Variants in MGAM2 observed in about 807,000 individuals in gnomAD.
The protein encoded by MGAM2 is maltase-glucoamylase 2 (putative), also known as probable maltase-glucoamylase 2.
MGAM2 carries 98 observed loss-of-function variants against 96.1 expected under a neutral mutation model. That is an observed-to-expected ratio of 1.02 (90% CI 0.87 to 1.21). The LOEUF is 1.21. Ranked by LOEUF, MGAM2 falls within the 50% of genes most tolerant of loss-of-function variation. MGAM2 has a pLI of 0.00. For synonymous variants in MGAM2, 749 were observed against 414.8 expected (o/e 1.81, Z -9.79); for missense variants, 2,055 against 1,182.4 (o/e 1.74, Z -10.82).
intron 23 of MGAM2, 116 bp from the exon 24 acceptor site, chr7:142,164,740 A>G: frequency 1.9e-6 from 1 of 539,954 alleles, no homozygotes; most frequent in Non-Finnish European, 3.2e-6. Context: ...AACATTTGAA[A>G]CTGCAGAGAA....
At chr7:142,138,288 T>C (rs571620787) in intron 9 of MGAM2, among the ~76,000 whole-genome samples, 62 of 151,526 alleles carry the variant, frequency 4.1e-4, no homozygotes, top group Non-Finnish European at 7.2e-4. Flanking sequence ...AAAACACTTA[T>C]AGAATAATGA....
At chr7:142,143,296 C>T (rs185780632) in intron 12 of MGAM2, among the ~76,000 whole-genome samples, 15 of 152,160 alleles carry the variant, frequency 9.9e-5, no homozygotes, top group African/African-American at 3.6e-4. Flanking sequence ...AAAAAATGAC[C>T]TGAGTAAGAA....
chr7:142,137,833 A>G (rs558485527), intron 9 of MGAM2, among the ~76,000 whole-genome samples: 27 of 152,202 alleles, frequency 1.8e-4, no homozygotes, highest in Non-Finnish European at 8.8e-5. Flanking sequence ...AGCAAAGCTT[A>G]TTCATTCAAT....
At chr7:142,129,670 C>T (rs1040520813) in intron 3 of MGAM2, among the ~76,000 whole-genome samples, 2 of 150,956 alleles carry the variant, frequency 1.3e-5, no homozygotes, top group South Asian at 2.1e-4. Flanking sequence ...ACTAAAAATA[C>T]AAAAATTAGC....
intron 32 of MGAM2, among the ~76,000 whole-genome samples, chr7:142,182,739 C>G (rs909548799): frequency 1.3e-5 from 2 of 152,208 alleles, no homozygotes; most frequent in Non-Finnish European, 2.9e-5. Context: ...CACTCAGCAA[C>G]TCTATGTGGG....
In MGAM2 at chr7:142,198,776, A is replaced by G. The variant is rs920492791; in HGVS notation, c.5048+37A>G. 7 of 695,442 alleles carry G rather than the reference A, an allele frequency of 1.0e-5. No homozygotes were observed. In the African/African-American group the frequency reaches 1.2e-4, roughly 12 times the overall value. The allele number at this position is 695,442 out of a possible 1,614,324, so 43.1% of individuals were successfully genotyped here. ...AGGCAATGTCTAACAGCCTCTTGCT[A>G]TACCGTAATGAGGAAGCCTTACAGG... On this transcript the variant is annotated intron_variant, in intron 44 of 47. Coordinates refer to ENST00000477922, the MANE Select transcript of MGAM2 (RefSeq NM_001293626.2).
chr7:142,175,173 G>T (rs1417578305), intron 31 of MGAM2, among the ~76,000 whole-genome samples: 1 of 152,112 alleles, frequency 6.6e-6, no homozygotes, highest in African/African-American at 2.4e-5. Flanking sequence ...CTGTGGGTTT[G>T]TCATCTATGG....
intron 33 of MGAM2, among the ~76,000 whole-genome samples, chr7:142,184,797 GA>G (rs1322577133): frequency 2.0e-5 from 3 of 152,180 alleles, no homozygotes; most frequent in South Asian, 2.1e-4. Flanking sequence ...AGAGATCTGA[GA>G]AATCACTCGA....
intron 3 of MGAM2, among the ~76,000 whole-genome samples, chr7:142,130,251 C>T (rs999229664): frequency 2.0e-5 from 3 of 152,144 alleles, no homozygotes; most frequent in Admixed American, 2.0e-4. Context: ...TTTTAATCGT[C>T]TCTAGTTTTC....
intron 37 of MGAM2, among the ~76,000 whole-genome samples, chr7:142,191,954 C>T (rs1796885478): frequency 1.3e-5 from 2 of 151,728 alleles, no homozygotes; most frequent in African/African-American, 4.8e-5. Context: ...ATTTATCTGT[C>T]CCTTTGTCTT....
intron 32 of MGAM2, among the ~76,000 whole-genome samples, chr7:142,176,185 G>T (rs181426571): frequency 2.8e-4 from 43 of 151,938 alleles, no homozygotes; most frequent in Admixed American, 2.3e-3. Context: ...ACGTCAGGAG[G>T]TTCAAAAATC....
chr7:142,158,782 A>T (rs1203942145), intron 19 of MGAM2, among the ~76,000 whole-genome samples: 1 of 152,224 alleles, frequency 6.6e-6, no homozygotes, highest in African/African-American at 2.4e-5. Context: ...ATGAAGGACC[A>T]TGTGTATCCT....
intron 15 of MGAM2, 77 bp from the exon 16 acceptor site, chr7:142,153,941 A>AT: frequency 2.0e-6 from 1 of 498,468 alleles, no homozygotes; most frequent in Non-Finnish European, 3.7e-6. Context: ...TAGAAAGTCC[A>AT]TTGCTGCTCT....
rs1053396340 is a variant in MGAM2, at chr7:142,198,541, G to T, written c.4924-74G>T. 3 of 653,246 alleles carry T rather than the reference G, an allele frequency of 4.6e-6. No homozygotes were observed. The South Asian group carries it at 5.1e-5, about 11-fold the overall frequency. The allele number at this position is 653,246 out of a possible 1,614,324, so 40.5% of individuals were successfully genotyped here. A position where few individuals can be genotyped will look rare whatever the true frequency, so the allele number is the denominator to read the frequency against. On this transcript the variant is annotated intron_variant, in intron 43 of 47. Coordinates refer to ENST00000477922, the MANE Select transcript of MGAM2 (RefSeq NM_001293626.2). ...CTAACATGCTTCCCAGGAAAGGAAG[G>T]ACTTGTAATTAAAACATGCTCTCAT...
rs771698615 is a variant in MGAM2, at chr7:142,220,390, C to T, written c.5879C>T (p.Thr1960Ile). ...ACAACTAATGCTACTGTTCCCGATA[C>T]AACTGCCCCTTTCCCAACAAATACT... Reference protein sequence around the residue: ...GVTTNATVPDTTAPFPTNTTT... With the variant: ...GVTTNATVPDITAPFPTNTTT... Residue 1960 changes from threonine (T) to isoleucine (I), a missense_variant, in exon 48 of 48, where the codon ACA (threonine) becomes ATA (isoleucine). By Grantham distance (89) the Thr-to-Ile change is moderately conservative. Transcript: ENST00000477922. 2 of 702,646 alleles carry T rather than the reference C, an allele frequency of 2.8e-6. No homozygotes were observed. The highest frequency in any genetic ancestry group is 5.2e-6 in the Non-Finnish European group (2 of 384,894). The allele number at this position is 702,646 out of a possible 1,614,324, so 43.5% of individuals were successfully genotyped here.
chr7:142,199,811 C>T, intron 44 of MGAM2, 69 bp from the exon 45 acceptor site: 3 of 574,846 alleles, frequency 5.2e-6, no homozygotes, highest in Non-Finnish European at 9.3e-6. Flanking sequence ...ATGTTTTTAA[C>T]ACAGTCTGTT....
At chr7:142,151,602 CAG>C (rs1795580225) in intron 15 of MGAM2, among the ~76,000 whole-genome samples, 2 of 151,980 alleles carry the variant, frequency 1.3e-5, no homozygotes, top group Admixed American at 6.6e-5. Context: ...AAATGGGAAA[CAG>C]AGTGAGTAGT....
At chr7:142,164,415 C>G (rs1795972765) in intron 23 of MGAM2, among the ~76,000 whole-genome samples, 1 of 152,130 alleles carries the variant, frequency 6.6e-6, no homozygotes, top group Non-Finnish European at 1.5e-5. Flanking sequence ...CAGTGCCTGT[C>G]ACATAATACA....
Position 142,173,084 on chromosome 7 carries a change from C to T in MGAM2, c.3562-145C>T, listed in dbSNP as rs1256501460. The T allele has an allele frequency of 1.2e-5, 7 of 562,506 alleles. No homozygotes were observed. In the African/African-American group the frequency reaches 1.3e-4, roughly 11 times the overall value. The allele number at this position is 562,506 out of a possible 1,614,324, so 34.8% of individuals were successfully genotyped here. ...ATCATTTTGCATGTCTGTAGTTGCT[C>T]CACATTTGTTGGACTTTCTTATCTT... On this transcript the variant is annotated intron_variant, in intron 30 of 47. Coordinates refer to ENST00000477922, the MANE Select transcript of MGAM2 (RefSeq NM_001293626.2).
Sources: allele counts gnomAD v4.1 joint callset (sites outside exome capture counted in the v4.1 genomes callset), GRCh38; gene constraint gnomAD v4.1.1; transcripts MANE v1.5; gene names NCBI Gene and HGNC (gene_info 2026-07-23, HGNC 2026-07-21).